Variants in GPC6 observed in about 807,000 individuals in gnomAD.
The protein encoded by GPC6 is glypican-6.
GPC6 carries 14 observed loss-of-function variants against 55.2 expected under a neutral mutation model. The observed-to-expected ratio is 0.25, with a 90% CI of 0.17 to 0.40. The LOEUF (loss-of-function observed/expected upper bound fraction) is 0.40. GPC6 is among the 10% of genes least tolerant of loss of function. The pLI is 1.00. For missense variants in GPC6, 641 were observed against 708.5 expected (o/e 0.90, Z 1.08); for synonymous variants, 278 against 259.6 (o/e 1.07, Z -0.68).
At chr13:93,436,153 G>C (rs895133262) in intron 1 of GPC6, among the ~76,000 whole-genome samples, 37 of 152,094 alleles carry the variant, frequency 2.4e-4, no homozygotes, top group Admixed American at 2.0e-4. Context: ...ATCAAAAATA[G>C]AATGGAGGCC....
intron 6 of GPC6, among the ~76,000 whole-genome samples, chr13:94,381,978 G>T (rs1255944818): frequency 6.6e-6 from 1 of 152,176 alleles, no homozygotes; most frequent in East Asian, 1.9e-4. Context: ...TTTATTTTTT[G>T]CAGAAACAAG....
intron 2 of GPC6, among the ~76,000 whole-genome samples, chr13:93,707,739 G>A (rs1225349619): frequency 1.3e-5 from 2 of 151,744 alleles, no homozygotes; most frequent in Admixed American, 6.6e-5. Flanking sequence ...TCGTCATTCT[G>A]CGATATGTAA....
At chr13:93,782,391 A>G (rs1391430487) in intron 2 of GPC6, among the ~76,000 whole-genome samples, 1 of 152,126 alleles carries the variant, frequency 6.6e-6, no homozygotes, top group Non-Finnish European at 1.5e-5. Context: ...TGAAGTGAAC[A>G]TGGGTTGTGC....
intron 6 of GPC6, among the ~76,000 whole-genome samples, chr13:94,325,124 G>GAA (rs1476610993): frequency 6.6e-6 from 1 of 151,754 alleles, no homozygotes; most frequent in Non-Finnish European, 1.5e-5. Flanking sequence ...TCTGTTTGGG[G>GAA]AAAAGAAAAG....
chr13:94,036,250 G>C (rs1439877495), intron 4 of GPC6, among the ~76,000 whole-genome samples: 4 of 151,996 alleles, frequency 2.6e-5, no homozygotes, highest in Non-Finnish European at 5.9e-5. Flanking sequence ...AATTAAAATA[G>C]AGCATGAAAT....
intron 4 of GPC6, among the ~76,000 whole-genome samples, chr13:94,142,417 G>A (rs1023427991): frequency 3.9e-5 from 6 of 152,090 alleles, no homozygotes; most frequent in African/African-American, 9.7e-5. Flanking sequence ...AATAGTATAC[G>A]TTCTAGTAAA....
chr13:94,208,753 CAAAAAAAAAAAAAA>C (rs762261930), intron 4 of GPC6, among the ~76,000 whole-genome samples: 1 of 36,228 alleles, frequency 2.8e-5, no homozygotes, highest in Non-Finnish European at 5.2e-5. Flanking sequence ...TCCCATCTCC[CAAAAAAAAAAAAAA>C]AAAAAAAAAA....
At chr13:93,570,051 A>G (rs1213536408) in intron 2 of GPC6, among the ~76,000 whole-genome samples, 2 of 152,224 alleles carry the variant, frequency 1.3e-5, no homozygotes, top group East Asian at 3.9e-4. Context: ...GAATATTTTG[A>G]TGGTGCTGTT....
At chr13:93,236,152 T>C (rs1163743970) in intron 1 of GPC6, among the ~76,000 whole-genome samples, 1 of 152,216 alleles carries the variant, frequency 6.6e-6, no homozygotes, top group Non-Finnish European at 1.5e-5. Flanking sequence ...GCAAAGGATA[T>C]GGTCTTTCAG....
chr13:93,973,453 A>T (rs1013642941), intron 3 of GPC6, among the ~76,000 whole-genome samples: 1 of 152,172 alleles, frequency 6.6e-6, no homozygotes, highest in African/African-American at 2.4e-5. Context: ...ACAGGGTTAG[A>T]ACTTTCTAGT....
intron 1 of GPC6, among the ~76,000 whole-genome samples, chr13:93,389,555 G>A (rs1410042377): frequency 2.7e-5 from 4 of 147,920 alleles, no homozygotes; most frequent in Non-Finnish European, 5.9e-5. Flanking sequence ...TATGTAAATG[G>A]TACCATTTAT....
intron 2 of GPC6, among the ~76,000 whole-genome samples, chr13:93,681,578 AT>A (rs1220861437): frequency 9.4e-4 from 143 of 152,320 alleles, no homozygotes; most frequent in African/African-American, 3.3e-3. Context: ...GGTGGACTAA[AT>A]TCATATTTCT....
chr13:93,653,366 T>C (rs1880507117), intron 2 of GPC6, among the ~76,000 whole-genome samples: 1 of 152,206 alleles, frequency 6.6e-6, no homozygotes, highest in Non-Finnish European at 1.5e-5. Flanking sequence ...GATATGCATA[T>C]GTCATGACTA....
At chr13:93,376,442 A>C (rs1406519342) in intron 1 of GPC6, among the ~76,000 whole-genome samples, 1 of 152,216 alleles carries the variant, frequency 6.6e-6, no homozygotes, top group Non-Finnish European at 1.5e-5. Context: ...TTATATAATT[A>C]ATATCAAGCA....
intron 3 of GPC6, among the ~76,000 whole-genome samples, chr13:93,855,866 A>G (rs886549842): frequency 4.0e-5 from 6 of 151,600 alleles, no homozygotes; most frequent in Non-Finnish European, 8.9e-5. Context: ...AAGTCTTTAG[A>G]TCATTTTTTG....
At chr13:93,683,123 T>A (rs957869682) in intron 2 of GPC6, among the ~76,000 whole-genome samples, 1 of 140,490 alleles carries the variant, frequency 7.1e-6, no homozygotes, top group African/African-American at 2.4e-5. Flanking sequence ...TATTAAGTGG[T>A]TCCTATGAGT....
At chr13:93,333,794 G>C (rs185341275) in intron 1 of GPC6, among the ~76,000 whole-genome samples, 1 of 151,934 alleles carries the variant, frequency 6.6e-6, no homozygotes, top group South Asian at 2.1e-4. Context: ...CACCTCAGCC[G>C]CCCAAAGTGC....
At chr13:93,723,687 C>G (rs950263632) in intron 2 of GPC6, among the ~76,000 whole-genome samples, 1 of 151,916 alleles carries the variant, frequency 6.6e-6, no homozygotes, top group Non-Finnish European at 1.5e-5. Context: ...TGTAGTCAAC[C>G]AAAGCAGTTT....
intron 2 of GPC6, among the ~76,000 whole-genome samples, chr13:93,806,330 T>A (rs927115469): frequency 6.6e-6 from 1 of 152,068 alleles, no homozygotes; most frequent in African/African-American, 2.4e-5. Flanking sequence ...CTTGCCACAA[T>A]TTTATTCATT....
Sources: gnomAD v4.1 joint callset for allele counts (sites outside exome capture counted in the v4.1 genomes callset) on GRCh38, gnomAD v4.1.1 for gene constraint, MANE v1.5 for transcripts, NCBI Gene and HGNC (gene_info 2026-07-23, HGNC 2026-07-21) for gene names.